CNTN5: variants seen among roughly 807,000 people sequenced by gnomAD.
CNTN5 encodes contactin-5.
CNTN5 carries 77 observed loss-of-function variants against 129.1 expected under a neutral mutation model. That is an observed-to-expected ratio of 0.60 (90% CI 0.50 to 0.72). The LOEUF (loss-of-function observed/expected upper bound fraction) is 0.72. Ranked by LOEUF, CNTN5 falls within the 30% of genes least tolerant of loss-of-function variation. The pLI is 0.00. For synonymous variants in CNTN5, 509 were observed against 465.6 expected (o/e 1.09, Z -1.20); for missense variants, 1,478 against 1,328.8 (o/e 1.11, Z -1.75).
At chr11:99,489,711 C>G (rs1945960091) in intron 2 of CNTN5, among the ~76,000 whole-genome samples, 1 of 152,106 alleles carries the variant, frequency 6.6e-6, no homozygotes, top group African/African-American at 2.4e-5. Context: ...AGCGTGGAGT[C>G]TGCCAGGAGT....
At chr11:99,187,448 A>G (rs1456134545) in intron 1 of CNTN5, among the ~76,000 whole-genome samples, 6 of 149,040 alleles carry the variant, frequency 4.0e-5, no homozygotes, top group Non-Finnish European at 9.0e-5. Flanking sequence ...ACAAATTACA[A>G]TTTGTATTAA....
chr11:100,211,098 G>A (rs1949021206), intron 15 of CNTN5, among the ~76,000 whole-genome samples: 1 of 152,116 alleles, frequency 6.6e-6, no homozygotes, highest in Non-Finnish European at 1.5e-5. Context: ...CATCCTCCAT[G>A]TGTCTAGAAG....
chr11:99,704,642 C>T lies in CNTN5; in HGVS notation c.56-114902C>T, dbSNP rs185397366. Among the ~76,000 whole-genome samples, 6 of 151,248 alleles carry T rather than the reference C, an allele frequency of 4.0e-5. No homozygotes were observed. The East Asian group carries it at 5.8e-4, about 15-fold the overall frequency. The stretch of plus-strand genomic sequence containing the variant: ...CATATTAATCATGAAATGTTTACTA[C>T]GTACCTACTACATTTAAAATATTAA... On this transcript the variant is annotated intron_variant, in intron 3 of 24. Transcript: ENST00000524871.
At chr11:99,772,723 C>T (rs1245544046) in intron 3 of CNTN5, among the ~76,000 whole-genome samples, 1 of 152,012 alleles carries the variant, frequency 6.6e-6, no homozygotes, top group Non-Finnish European at 1.5e-5. Flanking sequence ...TGAAGTTGAA[C>T]AGGGAGTTGT....
At chr11:100,208,627 C>A (rs960680458) in intron 15 of CNTN5, among the ~76,000 whole-genome samples, 1 of 152,192 alleles carries the variant, frequency 6.6e-6, no homozygotes, top group Non-Finnish European at 1.5e-5. Context: ...TTGGGAAGAA[C>A]TGCAAAATTT....
At chr11:100,189,306 C>T (rs541594641) in intron 13 of CNTN5, among the ~76,000 whole-genome samples, 5 of 149,926 alleles carry the variant, frequency 3.3e-5, no homozygotes, top group East Asian at 3.9e-4. Context: ...CAAAATTCTG[C>T]ATGCCCAAGT....
Position 99,728,254 on chromosome 11 carries a change from AAAAT to A in CNTN5, c.56-91287_56-91284del, listed in dbSNP as rs1943418839. Reference sequence around the variant, plus strand: ...AAGGCATAGATATTGAGCAGGAAGAAAAATAATGTGTACAATATTTGTGAGTGAC... The same window carrying A: ...AAGGCATAGATATTGAGCAGGAAGAAAATGTGTACAATATTTGTGAGTGAC... On this transcript the variant is annotated intron_variant, in intron 3 of 24. Transcript: ENST00000524871. Among the ~76,000 whole-genome samples the A allele has an allele frequency of 2.0e-5, 3 of 152,322 alleles. 1 individual carries two copies. The highest frequency in any genetic ancestry group is 7.2e-5 in the African/African-American group (3 of 41,582).
chr11:99,561,465 C>T (rs527258650), intron 3 of CNTN5, among the ~76,000 whole-genome samples: 43 of 152,254 alleles, frequency 2.8e-4, no homozygotes, highest in African/African-American at 9.4e-4. Context: ...GATACTTCAT[C>T]CTCAAGGAGG....
chr11:99,878,178 T>G (rs1352478825), intron 6 of CNTN5, among the ~76,000 whole-genome samples: 1 of 152,202 alleles, frequency 6.6e-6, no homozygotes, highest in Non-Finnish European at 1.5e-5. Context: ...TGAAGTTAGA[T>G]CTAGGAAATT....
At chr11:99,838,217 A>C (rs1017128706) in intron 4 of CNTN5, among the ~76,000 whole-genome samples, 38 of 152,166 alleles carry the variant, frequency 2.5e-4, no homozygotes, top group Non-Finnish European at 2.8e-4. Flanking sequence ...TAACCAAGCT[A>C]AGACTGGATA....
chr11:99,194,271 G>A (rs757907627), intron 1 of CNTN5, among the ~76,000 whole-genome samples: 2 of 152,190 alleles, frequency 1.3e-5, no homozygotes, highest in South Asian at 4.2e-4. Context: ...TTCTGAAGAG[G>A]TGATTTCAAA....
chr11:99,347,201 C>T lies in CNTN5; in HGVS notation c.-71+21717C>T, dbSNP rs570840734. Among the ~76,000 whole-genome samples the T allele has an allele frequency of 3.9e-5, 6 of 152,234 alleles. No individual in the cohort carries two copies. The East Asian group carries it at 1.2e-3, about 29-fold the overall frequency. Reference sequence around the variant, plus strand: ...TCACAATCCTGGTTATTCTCTAGGCCATGTCTTTATGCTACTGAAATAGTC... The same window carrying T: ...TCACAATCCTGGTTATTCTCTAGGCTATGTCTTTATGCTACTGAAATAGTC... On this transcript the variant is annotated intron_variant, in intron 2 of 24. Coordinates refer to ENST00000524871, the MANE Select transcript of CNTN5 (RefSeq NM_014361.4).
chr11:99,287,409 T>A (rs1327916249), intron 1 of CNTN5, among the ~76,000 whole-genome samples: 2 of 152,102 alleles, frequency 1.3e-5, no homozygotes, highest in Non-Finnish European at 2.9e-5. Flanking sequence ...TTCAGATTAA[T>A]TTCTACTTAT....
intron 3 of CNTN5, among the ~76,000 whole-genome samples, chr11:99,681,121 T>C (rs1322375709): frequency 1.3e-5 from 2 of 152,094 alleles, no homozygotes; most frequent in East Asian, 3.9e-4. Flanking sequence ...GAAGAGTTGC[T>C]TATTATTGGT....
At chr11:99,527,847 T>C (rs1947546781) in intron 2 of CNTN5, among the ~76,000 whole-genome samples, 1 of 152,078 alleles carries the variant, frequency 6.6e-6, no homozygotes. Context: ...AGTTGCAGGA[T>C]CTAGACAGAG....
intron 13 of CNTN5, among the ~76,000 whole-genome samples, chr11:100,169,400 A>G (rs1947757016): frequency 6.6e-6 from 1 of 151,904 alleles, no homozygotes. Context: ...GCCATTTAAT[A>G]TTTCTGAATA....
intron 1 of CNTN5, among the ~76,000 whole-genome samples, chr11:99,028,189 A>T (rs1863188784): frequency 6.6e-6 from 1 of 151,902 alleles, no homozygotes; most frequent in South Asian, 2.1e-4. Flanking sequence ...ATACATATTA[A>T]CTGTTTTAAA....
At chr11:99,199,967 ACAT>A (rs147514290) in intron 1 of CNTN5, among the ~76,000 whole-genome samples, 7,188 of 151,456 alleles carry the variant, frequency 0.047, 569 homozygotes, top group African/African-American at 0.16. Flanking sequence ...ATATCCATCA[ACAT>A]CATCATCATC....
intron 1 of CNTN5, among the ~76,000 whole-genome samples, chr11:99,077,334 T>C (rs1169293892): frequency 6.6e-6 from 1 of 152,214 alleles, no homozygotes; most frequent in Non-Finnish European, 1.5e-5. Flanking sequence ...ATAGTAATGA[T>C]TAATTCTTTG....
Sources: gnomAD v4.1 joint callset for allele counts (sites outside exome capture counted in the v4.1 genomes callset) on GRCh38, gnomAD v4.1.1 for gene constraint, MANE v1.5 for transcripts, NCBI Gene and HGNC (gene_info 2026-07-23, HGNC 2026-07-21) for gene names.